The following PASD1 variants were observed in gnomAD, a reference collection of about 807,000 sequenced individuals.
PASD1 encodes the protein PAS domain containing repressor 1.
Under a neutral mutation model 58.8 loss-of-function variants are expected in PASD1, and 13 were observed. That is an observed-to-expected ratio of 0.22 (90% CI 0.14 to 0.35). PASD1 has a LOEUF of 0.35. PASD1 is among the 10% of genes least tolerant of loss of function. PASD1 has a pLI of 1.00. For missense variants in PASD1, 734 were observed against 568.3 expected (o/e 1.29, Z -2.96); for synonymous variants, 236 against 216.7 (o/e 1.09, Z -0.78).
chrX:151,668,549 A>G (rs2124315857), intron 11 of PASD1, among the ~76,000 whole-genome samples: 1 of 111,465 alleles, frequency 9.0e-6, no homozygotes, highest in East Asian at 2.8e-4. Context: ...CCACAGAAAT[A>G]CAAACTACCA....
intron 8 of PASD1, among the ~76,000 whole-genome samples, chrX:151,626,805 C>T (rs1204362456): frequency 9.0e-6 from 1 of 111,526 alleles, no homozygotes; most frequent in Non-Finnish European, 1.9e-5. Context: ...GGTTACTATT[C>T]GGGGGCAGGA....
intron 9 of PASD1, among the ~76,000 whole-genome samples, chrX:151,653,925 T>TCTTTCTTTC (rs2014202130): frequency 2.6e-5 from 2 of 77,211 alleles, no homozygotes; most frequent in Non-Finnish European, 4.9e-5. Flanking sequence ...TTTCTTTCTT[T>TCTTTCTTTC]CTTTCTTTCT....
intron 3 of PASD1, among the ~76,000 whole-genome samples, chrX:151,610,826 A>G (rs2013547080): frequency 9.0e-6 from 1 of 111,500 alleles, no homozygotes; most frequent in Non-Finnish European, 1.9e-5. Flanking sequence ...CCTAAAGTTG[A>G]CTATTTTCTC....
intron 8 of PASD1, among the ~76,000 whole-genome samples, chrX:151,628,762 A>C (rs1225202048): frequency 8.9e-6 from 1 of 111,860 alleles, no homozygotes; most frequent in Admixed American, 9.5e-5. Context: ...ATGGCATTGA[A>C]TCCATAAATT....
At chrX:151,584,517 CTTG>C (rs753307861) in intron 1 of PASD1, among the ~76,000 whole-genome samples, 1 of 111,901 alleles carries the variant, frequency 8.9e-6, no homozygotes, top group South Asian at 3.7e-4. Flanking sequence ...GCAAGGATGT[CTTG>C]TTATTTTACT....
At chrX:151,565,749 G>T (rs897824495) in intron 1 of PASD1, among the ~76,000 whole-genome samples, 1 of 110,001 alleles carries the variant, frequency 9.1e-6, no homozygotes, top group Non-Finnish European at 1.9e-5. Flanking sequence ...TAGTAGAGAC[G>T]GGGTTTCACC....
intron 8 of PASD1, among the ~76,000 whole-genome samples, chrX:151,637,476 A>G (rs925304786): frequency 1.8e-5 from 2 of 111,435 alleles, no homozygotes; most frequent in Non-Finnish European, 3.8e-5. Context: ...TCCTGGGCTC[A>G]AGTGATTCTC....
chrX:151,656,089 C>A (rs2014237535), intron 9 of PASD1, among the ~76,000 whole-genome samples: 1 of 112,112 alleles, frequency 8.9e-6, no homozygotes, highest in Non-Finnish European at 1.9e-5. Context: ...CCAGTTTTCC[C>A]AGCACCATTT....
At chrX:151,675,708 A>G (rs1369169852) in intron 15 of PASD1, among the ~76,000 whole-genome samples, 2 of 111,919 alleles carry the variant, frequency 1.8e-5, no homozygotes, top group Non-Finnish European at 3.8e-5. Flanking sequence ...GCTGGCAGAG[A>G]AGCTGGACAA....
At chrX:151,631,503 G>GCC (rs976957544) in intron 8 of PASD1, among the ~76,000 whole-genome samples, 23 of 111,965 alleles carry the variant, frequency 2.1e-4, no homozygotes, top group African/African-American at 7.5e-4. Flanking sequence ...CGATTAGTTA[G>GCC]CCCTAATACT....
intron 7 of PASD1, among the ~76,000 whole-genome samples, chrX:151,623,831 A>G (rs1202153676): frequency 1.8e-5 from 2 of 111,718 alleles, no homozygotes; most frequent in Non-Finnish European, 3.8e-5. Flanking sequence ...CAACATCTGT[A>G]AAAGACCTAA....
intron 11 of PASD1, among the ~76,000 whole-genome samples, chrX:151,670,549 T>C (rs927009906): frequency 8.9e-6 from 1 of 112,381 alleles, no homozygotes; most frequent in African/African-American, 3.2e-5. Flanking sequence ...AAGTACTATA[T>C]GAGAACAATA....
In PASD1 at chrX:151,649,958, A is replaced by G. The variant is rs2014110482; in HGVS notation, c.717+1256A>G. Among the ~76,000 whole-genome samples the G allele has an allele frequency of 3.6e-5, 4 of 112,414 alleles. No homozygotes were observed. In the Admixed American group the frequency reaches 3.8e-4, roughly 11 times the overall value. On this transcript the variant is annotated intron_variant, in intron 9 of 15. Coordinates refer to ENST00000370357, the MANE Select transcript of PASD1 (RefSeq NM_173493.3). ...TGCTGATTTTGTATTGAATTGTCCA[A>G]GTATTGCTCATTTAACAAAGTATGT...
intron 10 of PASD1, among the ~76,000 whole-genome samples, chrX:151,663,160 G>A (rs757436870): frequency 8.9e-6 from 1 of 111,774 alleles, no homozygotes; most frequent in Non-Finnish European, 1.9e-5. Flanking sequence ...GTACCAAACA[G>A]AATAGTTCCA....
intron 2 of PASD1, among the ~76,000 whole-genome samples, chrX:151,602,289 A>T (rs1025470615): frequency 8.9e-6 from 1 of 111,766 alleles, no homozygotes; most frequent in African/African-American, 3.3e-5. Flanking sequence ...CTTACTTTTG[A>T]TGAAGGTTCA....
At chrX:151,671,312 G>A (rs757004237) in intron 12 of PASD1, 116 bp downstream of exon 12, 185 of 871,750 alleles carry the variant, frequency 2.1e-4, no homozygotes, top group Non-Finnish European at 2.8e-4. Flanking sequence ...TCTGCCGGTA[G>A]TGACAGCTGC....
rs867240033 is a variant in PASD1, at chrX:151,586,401, A to G, written c.-27-15126A>G. On this transcript the variant is annotated intron_variant, in intron 1 of 15. Transcript: ENST00000370357. ...AAAAGCACTACAGAGGAGATGGTGA[A>G]GCAAATGTTTACAGACTGATTTTCC... 7.7e-4 allele frequency among the ~76,000 whole-genome samples: 86 copies of G among 111,875 alleles called. No homozygotes were observed. In the Middle Eastern group the frequency reaches 0.014, roughly 18 times the overall value.
At chrX:151,653,664 TTTCCTTCCTTCC>T (rs200997692) in intron 9 of PASD1, among the ~76,000 whole-genome samples, 67 of 96,253 alleles carry the variant, frequency 7.0e-4, no homozygotes, top group Non-Finnish European at 1.3e-3. Context: ...TTCTTCCTTC[TTTCCTTCCTTCC>T]TTCCTTCCTT....
At chrX:151,611,612 CATTTT>C (rs2013559650) in intron 3 of PASD1, 47 bp from the exon 4 acceptor site, 5 of 868,347 alleles carry the variant, frequency 5.8e-6, no homozygotes, top group Non-Finnish European at 8.2e-6. Context: ...ATAAAACTAT[CATTTT>C]ATTATTGTTC....
Sources: allele counts gnomAD v4.1 joint callset (sites outside exome capture counted in the v4.1 genomes callset), GRCh38; gene constraint gnomAD v4.1.1; transcripts MANE v1.5; gene names NCBI Gene and HGNC (gene_info 2026-07-23, HGNC 2026-07-21).